The following SMG1 variants were observed in gnomAD, a reference collection of about 807,000 sequenced individuals.
SMG1 encodes the protein SMG1 nonsense mediated mRNA decay associated PI3K related kinase.
In SMG1, 22 loss-of-function variants were observed where a neutral mutation model predicts 419.9. The observed-to-expected ratio is 0.05, with a 90% CI of 0.04 to 0.07. The LOEUF (loss-of-function observed/expected upper bound fraction) is 0.07. Ranked by LOEUF, SMG1 falls within the 10% of genes least tolerant of loss-of-function variation. The pLI, the probability that SMG1 is intolerant of heterozygous loss-of-function variation, is 1.00. For synonymous variants in SMG1, 1,538 were observed against 1,553.5 expected (o/e 0.99, Z 0.23); for missense variants, 3,185 against 4,342.0 (o/e 0.73, Z 7.49).
At chr16:18,817,734 T>C (rs1397360737) in intron 56 of SMG1, among the ~76,000 whole-genome samples, 8 of 152,304 alleles carry the variant, frequency 5.3e-5, no homozygotes, top group Admixed American at 1.3e-4. Flanking sequence ...TGTTTTTACA[T>C]AGAATATTTA....
rs905549497 is a variant in SMG1, at chr16:18,831,513, C to T, written c.8793-1144G>A. ...CAGTGCAAAACAAAGATGTACAGATCTAGCATTTAACTTTTTAAATACTGC... is the reference window on the plus strand; with the variant it reads ...CAGTGCAAAACAAAGATGTACAGATTTAGCATTTAACTTTTTAAATACTGC... On this transcript the variant is annotated intron_variant, in intron 51 of 62. Coordinates refer to ENST00000446231, the MANE Select transcript of SMG1 (RefSeq NM_015092.5). Among the ~76,000 whole-genome samples the T allele has an allele frequency of 5.3e-5, 8 of 152,044 alleles. No homozygotes were observed. In the South Asian group the frequency reaches 1.7e-3, roughly 32 times the overall value.
chr16:18,871,512 C>T (rs758001650), intron 15 of SMG1, 30 bp from the exon 16 acceptor site: 4 of 1,269,036 alleles, frequency 3.2e-6, no homozygotes, highest in Non-Finnish European at 4.3e-6. Flanking sequence ...GTTGACTGTA[C>T]ATTAAAAAAA....
At chr16:18,852,740 T>G (rs1338840875) in intron 31 of SMG1, among the ~76,000 whole-genome samples, 5 of 152,184 alleles carry the variant, frequency 3.3e-5, no homozygotes, top group Non-Finnish European at 5.9e-5. Context: ...TTGTAAACAG[T>G]CAGGTGTCAG....
Position 18,818,653 on chromosome 16 carries a change from AATAAG to A in SMG1, c.9894+844_9894+848del, listed in dbSNP as rs1424969523. On this transcript the variant is annotated intron_variant, in intron 56 of 62. Transcript: ENST00000446231. Reference sequence around the variant, plus strand: ...AAGGAGGATTAGGGAGTATGGGTGAAATAAGATAAGACTTAAGTTGATCATTATTA... The same window carrying A: ...AAGGAGGATTAGGGAGTATGGGTGAAATAAGACTTAAGTTGATCATTATTA... Among the ~76,000 whole-genome samples, 17 of 152,260 alleles carry A rather than the reference AATAAG, an allele frequency of 1.1e-4. No individual in the cohort carries two copies. In the East Asian group the frequency reaches 2.9e-3, roughly 26 times the overall value.
intron 60 of SMG1, among the ~76,000 whole-genome samples, chr16:18,814,068 T>TAAAAAAAAAAAAAAAAAAAA (rs2031747671): frequency 8.3e-6 from 1 of 120,858 alleles, no homozygotes; most frequent in Admixed American, 8.3e-5. Flanking sequence ...TAAAAAAAAA[T>TAAAAAAAAAAAAAAAAAAAA]AAAATAAAAT....
chr16:18,846,207 C>T (rs1418750167), intron 38 of SMG1, among the ~76,000 whole-genome samples: 2 of 152,084 alleles, frequency 1.3e-5, no homozygotes, highest in Non-Finnish European at 2.9e-5. Flanking sequence ...GTGATATCAA[C>T]ATGCAAAAGA....
rs2033695198 is a variant in SMG1 at position 18,838,125 on chromosome 16, A to G, written c.7302T>C (p.Ala2434=). 6.2e-7 allele frequency: 1 copy of G among 1,613,816 alleles called. No individual in the cohort carries two copies. Among genetic ancestry groups the G allele is most frequent in the African/African-American group, 1.3e-5 (1 of 74,928 alleles). ...GGCCACCTCCACCATAGACAGCACC[A>G]GCAAACCCAGCCTCGCCTCCTGCTG... ...DWTAGGEAGF[A]GAVYGGGGQQ... The change falls in exon 45 of 63, where the codon GCT becomes GCC. Residue 2434 remains alanine, a synonymous_variant. Coordinates refer to ENST00000446231, the MANE Select transcript of SMG1 (RefSeq NM_015092.5).
In SMG1 at chr16:18,868,636, G is replaced by T; in HGVS notation, c.2917C>A (p.His973Asn). The change falls in exon 21 of 63, where the codon CAT becomes AAT. Residue 973 changes from histidine (H) to asparagine (N), a missense_variant. This residue lies in a region of SMG1 where 70 missense variants were observed against 185.7 expected (regional missense o/e 0.38). Transcript: ENST00000446231. The part of the protein sequence containing the change: ...QWTTADNDEG[H>N]GNNQLRLVLL... The stretch of plus-strand genomic sequence containing the variant: ...ACAAGTCTAAGTTGGTTGTTACCAT[G>T]GCCTTCATCATTGTCTGCAGTTGTC... 2 of 1,580,228 alleles carry T rather than the reference G, an allele frequency of 1.3e-6. No individual in the cohort carries two copies. Among genetic ancestry groups the T allele is most frequent in the Non-Finnish European group, 1.7e-6 (2 of 1,164,180 alleles).
chr16:18,902,872 C>CA (rs2037403987), intron 1 of SMG1, among the ~76,000 whole-genome samples: 1 of 152,140 alleles, frequency 6.6e-6, no homozygotes, highest in Non-Finnish European at 1.5e-5. Flanking sequence ...AACAGGGTCT[C>CA]ACCCTGTCGC....
At chr16:18,923,990 C>T (rs2038294979) in intron 1 of SMG1, among the ~76,000 whole-genome samples, 1 of 152,170 alleles carries the variant, frequency 6.6e-6, no homozygotes, top group African/African-American at 2.4e-5. Flanking sequence ...CCACACTTCC[C>T]TGTTCCCTCT....
At chr16:18,846,600 GC>G (rs1350143471) in intron 38 of SMG1, among the ~76,000 whole-genome samples, 1 of 152,104 alleles carries the variant, frequency 6.6e-6, no homozygotes, top group East Asian at 1.9e-4. Context: ...TAGGCAAATG[GC>G]CAATAAACAC....
intron 1 of SMG1, among the ~76,000 whole-genome samples, chr16:18,914,074 G>A (rs1252287326): frequency 1.3e-5 from 2 of 151,812 alleles, no homozygotes; most frequent in Admixed American, 6.6e-5. Flanking sequence ...GGCCGAGGCA[G>A]GAGAATCACT....
chr16:18,872,473 A>G (rs1402936614), intron 14 of SMG1, 21 bp downstream of exon 14: 19 of 1,537,760 alleles, frequency 1.2e-5, no homozygotes, highest in Non-Finnish European at 1.6e-5. Context: ...GGTTCTTAAG[A>G]AAAATTTGTA....
intron 13 of SMG1, among the ~76,000 whole-genome samples, chr16:18,873,143 A>C (rs2035915406): frequency 6.6e-6 from 1 of 152,166 alleles, no homozygotes; most frequent in Admixed American, 6.5e-5. Context: ...GACAAAGTTA[A>C]GACTCTCTCT....
chr16:18,896,143 C>G lies in SMG1; in HGVS notation c.321G>C (p.Glu107Asp), dbSNP rs1336874576. 6.3e-7 allele frequency: 1 copy of G among 1,581,102 alleles called. No homozygotes were observed. Among genetic ancestry groups the G allele is most frequent in the Admixed American group, 1.7e-5 (1 of 59,842 alleles). Residue 107 changes from glutamate to aspartate, a missense_variant, in exon 3 of 63, where the codon GAG (glutamate) becomes GAC (aspartate). By Grantham distance (45) the Glu-to-Asp change is conservative. Transcript: ENST00000446231. ...GGCTGGTCACATTGTTAACCCTCAG[C>G]TCTTGCCCCAACGACTTCCGACCAT... The part of the protein sequence containing the change: ...NTYGRKSLGQ[E>D]LRVNNVTSPE...
At chr16:18,872,704 G>T in intron 13 of SMG1, 80 bp from the exon 14 acceptor site, 1 of 1,200,080 alleles carries the variant, frequency 8.3e-7, no homozygotes, top group South Asian at 1.5e-5. Flanking sequence ...TTCAAAATAG[G>T]GGTATCTGGA....
At chr16:18,909,286 G>A (rs1169087400) in intron 1 of SMG1, among the ~76,000 whole-genome samples, 3 of 152,108 alleles carry the variant, frequency 2.0e-5, no homozygotes, top group African/African-American at 7.2e-5. Context: ...AGGCTGTGGT[G>A]AGCTGAGACG....
chr16:18,887,799 A>C (rs928861505), intron 6 of SMG1, among the ~76,000 whole-genome samples: 3 of 101,338 alleles, frequency 3.0e-5, no homozygotes, highest in Admixed American at 1.3e-4. Context: ...AAAAAAAAAA[A>C]CCCTAATATC....
In SMG1 at chr16:18,815,527, G is replaced by T. The variant is rs764557989; in HGVS notation, c.10427C>A (p.Ala3476Asp). ...IQTVLFTLVQ[A>D]MGQVRSQEHV... The stretch of plus-strand genomic sequence containing the variant: ...TTCTTGACTTCGAACCTGACCCATA[G>T]CCTGGACTAATGTAAATAGAACTGT... Residue 3476 changes from alanine (A) to aspartate (D), a missense_variant, in exon 59 of 63, where the codon GCT becomes GAT. Physicochemically the swap from Ala to Asp is moderately radical, Grantham distance 126. This residue lies in a region of SMG1 where 737 missense variants were observed against 846.6 expected (regional missense o/e 0.87). Coordinates refer to ENST00000446231, the MANE Select transcript of SMG1 (RefSeq NM_015092.5). 1 of 1,613,936 alleles carries T rather than the reference G, an allele frequency of 6.2e-7. No individual in the cohort carries two copies. The highest frequency in any genetic ancestry group is 1.1e-5 in the South Asian group (1 of 91,084).
Sources: gnomAD v4.1 joint callset for allele counts (sites outside exome capture counted in the v4.1 genomes callset) on GRCh38, gnomAD v4.1.1 for gene constraint, gnomAD v4.1.1 regional missense constraint, MANE v1.5 for transcripts, NCBI Gene and HGNC (gene_info 2026-07-23, HGNC 2026-07-21) for gene names.